Variants in ESR1 observed in about 807,000 individuals in gnomAD.
ESR1 encodes the protein estrogen receptor 1, also known as estrogen receptor.
ESR1 carries 12 observed loss-of-function variants against 52.7 expected under a neutral mutation model. The observed-to-expected ratio is 0.23, with a 90% CI of 0.15 to 0.37. The LOEUF is 0.37. Ranked by LOEUF, ESR1 falls within the 10% of genes least tolerant of loss-of-function variation. The pLI is 1.00. For missense variants in ESR1, 584 were observed against 779.7 expected, an observed-to-expected ratio of 0.75 and a Z score of 2.99; for synonymous variants, 305 against 316.8, an observed-to-expected ratio of 0.96 and a Z score of 0.39.
In ESR1 at chr6:151,820,944, A is replaced by T. The variant is rs187870006; in HGVS notation, c.452+12580A>T. 4.6e-5 allele frequency among the ~76,000 whole-genome samples: 7 copies of T among 152,310 alleles called. No individual in the cohort carries two copies. The East Asian group carries it at 1.4e-3, about 29-fold the overall frequency. Reference sequence around the variant, plus strand: ...AAAATCTGGGTAAAATTGTAGTGTAATTTGGTGCAATCGTCTCTTTGCACA... The same window carrying T: ...AAAATCTGGGTAAAATTGTAGTGTATTTTGGTGCAATCGTCTCTTTGCACA... On this transcript the variant is annotated intron_variant, in intron 1 of 7. Transcript: ENST00000206249.
chr6:152,024,619 C>T (rs976866487), intron 5 of ESR1, among the ~76,000 whole-genome samples: 8 of 147,922 alleles, frequency 5.4e-5, no homozygotes, highest in African/African-American at 9.9e-5. Flanking sequence ...TTGGATGCCA[C>T]GTGCAGGGTT....
At chr6:151,680,951 T>C (rs565361153) in intron 1 of ESR1, among the ~76,000 whole-genome samples, 232 of 152,278 alleles carry the variant, frequency 1.5e-3, no homozygotes, top group African/African-American at 5.2e-3. Context: ...TGTCCTTGTC[T>C]CCCAGGGGTA....
At chr6:152,117,249 G>A (rs756420369) in intron 6 of ESR1, among the ~76,000 whole-genome samples, 25 of 152,226 alleles carry the variant, frequency 1.6e-4, no homozygotes, top group Non-Finnish European at 2.9e-4. Context: ...GGGGTTGGCT[G>A]CCTGGAATTG....
chr6:151,867,418 C>CAG (rs1361436997), intron 2 of ESR1, among the ~76,000 whole-genome samples: 1 of 150,478 alleles, frequency 6.6e-6, no homozygotes, highest in Non-Finnish European at 1.5e-5. Flanking sequence ...CAAATTTACA[C>CAG]ACACACACAC....
intron 4 of ESR1, among the ~76,000 whole-genome samples, chr6:152,010,826 T>C (rs2042701815): frequency 6.6e-6 from 1 of 152,072 alleles, no homozygotes; most frequent in Admixed American, 6.6e-5. Flanking sequence ...ACATTAGGAT[T>C]GCTTCTTACC....
In ESR1 at chr6:152,101,389, T is replaced by A. The variant is rs193005041; in HGVS notation, c.*2423T>A. Reference sequence around the variant, plus strand: ...AAAATTAAAATAAAACAAAAAAAAATTTCTAGGACTAGACGATGTAATACC... The same window carrying A: ...AAAATTAAAATAAAACAAAAAAAAAATTCTAGGACTAGACGATGTAATACC... On this transcript the variant is annotated 3_prime_UTR_variant, in exon 8 of 8. Transcript: ENST00000206249. 1,001 of 232,822 alleles carry A rather than the reference T, an allele frequency of 4.3e-3. 2 individuals are homozygous for A. Among genetic ancestry groups the A allele is most frequent in the Non-Finnish European group, 7.1e-3 (830 of 117,630 alleles). 14.4% of individuals were successfully genotyped at this position (232,822 alleles called of 1,614,324 possible).
At chr6:151,910,669 GC>G (rs1351769018) in intron 3 of ESR1, among the ~76,000 whole-genome samples, 1 of 152,110 alleles carries the variant, frequency 6.6e-6, no homozygotes, top group East Asian at 1.9e-4. Context: ...AAATTGTATA[GC>G]CATTGTTTTC....
chr6:151,720,338 A>C (rs1466964536), intron 2 of ESR1, among the ~76,000 whole-genome samples: 2 of 152,212 alleles, frequency 1.3e-5, no homozygotes, highest in African/African-American at 2.4e-5. Context: ...GCTGGTAAGT[A>C]CTATACTTTA....
At chr6:151,723,193 G>C (rs1311663799) in intron 2 of ESR1, among the ~76,000 whole-genome samples, 1 of 152,108 alleles carries the variant, frequency 6.6e-6, no homozygotes, top group Non-Finnish European at 1.5e-5. Flanking sequence ...TGGACATAGA[G>C]AGCAGAATAA....
chr6:151,764,326 GGAA>G (rs1182944097), intron 2 of ESR1, among the ~76,000 whole-genome samples: 19 of 152,160 alleles, frequency 1.2e-4, no homozygotes, highest in Admixed American at 9.2e-4. Flanking sequence ...TATGGAGTAT[GGAA>G]GAAGAAGGAG....
chr6:151,807,846 GC>G lies in ESR1; in HGVS notation c.-64del, dbSNP rs1778135015. 1.4e-6 allele frequency: 2 copies of G among 1,414,680 alleles called. No homozygotes were observed. Among genetic ancestry groups the G allele is most frequent in the Non-Finnish European group, 2.0e-6 (2 of 1,012,846 alleles). The allele number at this position is 1,414,680 out of a possible 1,614,324, so 87.6% of individuals were successfully genotyped here. On this transcript the variant is annotated 5_prime_UTR_variant, in exon 1 of 8. The change abolishes the stop of an existing upstream ORF in the 5' untranslated region. Transcript: ENST00000206249. The stretch of plus-strand genomic sequence containing the variant: ...TCGGGCTGTGCTCTTTTTCCAGGTG[GC>G]CCGCCGGTTTCTGAGCCTTCTGCCC...
chr6:151,671,354 A>G (rs1415729467), intron 1 of ESR1, among the ~76,000 whole-genome samples: 1 of 152,188 alleles, frequency 6.6e-6, no homozygotes, highest in Non-Finnish European at 1.5e-5. Context: ...TCAGCCTTAA[A>G]CAAGAAGAAA....
chr6:151,861,458 C>G lies in ESR1; in HGVS notation c.643+18671C>G, dbSNP rs541685858. Among the ~76,000 whole-genome samples, 4 of 152,262 alleles carry G rather than the reference C, an allele frequency of 2.6e-5. No individual in the cohort carries two copies. In the South Asian group the frequency reaches 8.3e-4, roughly 32 times the overall value. On this transcript the variant is annotated intron_variant, in intron 2 of 7. Coordinates refer to ENST00000206249, the MANE Select transcript of ESR1 (RefSeq NM_000125.4). ...CCTCTTCCCTGTTCTCATTTGTAAGCAATGAGGACAATTCAGGTAGCATGA... is the reference window on the plus strand; with the variant it reads ...CCTCTTCCCTGTTCTCATTTGTAAGGAATGAGGACAATTCAGGTAGCATGA...
chr6:151,803,597 T>TA (rs1431721099), upstream of ESR1, among the ~76,000 whole-genome samples: 21 of 151,082 alleles, frequency 1.4e-4, no homozygotes, highest in East Asian at 1.7e-3. Context: ...CCTGAAGCAG[T>TA]AAAAAAAAAT....
intron 2 of ESR1, among the ~76,000 whole-genome samples, chr6:151,766,356 T>C (rs1398451400): frequency 5.3e-5 from 8 of 152,132 alleles, no homozygotes; most frequent in Non-Finnish European, 7.3e-5. Flanking sequence ...TTGCTTTTGA[T>C]TGACATTTAA....
At chr6:151,900,080 G>A (rs993102714) in intron 3 of ESR1, among the ~76,000 whole-genome samples, 1 of 152,190 alleles carries the variant, frequency 6.6e-6, no homozygotes, top group Non-Finnish European at 1.5e-5. Context: ...CTGAGATCAC[G>A]CCACTGCACT....
At chr6:151,674,904 G>A (rs1431622194) in intron 1 of ESR1, among the ~76,000 whole-genome samples, 1 of 152,132 alleles carries the variant, frequency 6.6e-6, no homozygotes, top group Non-Finnish European at 1.5e-5. Flanking sequence ...AACTGCATTG[G>A]ATTTCTGTTG....
rs941291589 is a variant in ESR1 at position 151,864,602 on chromosome 6, G to A, written c.644-16053G>A. Among the ~76,000 whole-genome samples, 4 of 152,076 alleles carry A rather than the reference G, an allele frequency of 2.6e-5. No individual in the cohort carries two copies. The South Asian group carries it at 6.2e-4, about 24-fold the overall frequency. On this transcript the variant is annotated intron_variant, in intron 2 of 7. Coordinates refer to ENST00000206249, the MANE Select transcript of ESR1 (RefSeq NM_000125.4). ...CCCATTACTGGGTATATACCCAAAGGATTATAAATCATGCTGCTATAAAGA... is the reference window on the plus strand; with the variant it reads ...CCCATTACTGGGTATATACCCAAAGAATTATAAATCATGCTGCTATAAAGA...
At chr6:151,871,683 G>T (rs1562497922) in intron 2 of ESR1, among the ~76,000 whole-genome samples, 1 of 152,182 alleles carries the variant, frequency 6.6e-6, no homozygotes, top group Non-Finnish European at 1.5e-5. Flanking sequence ...GGGATTACAG[G>T]CATGAGCCAC....
Sources: gnomAD v4.1 joint callset for allele counts (sites outside exome capture counted in the v4.1 genomes callset) on GRCh38, gnomAD v4.1.1 for gene constraint, MANE v1.5 for transcripts, NCBI Gene and HGNC (gene_info 2026-07-23, HGNC 2026-07-21) for gene names.